Variants in MYT1L observed in about 807,000 individuals in gnomAD.
MYT1L encodes myelin transcription factor 1 like.
MYT1L carries 12 observed loss-of-function variants against 126.7 expected under a neutral mutation model. That is an observed-to-expected ratio of 0.09 (90% CI 0.06 to 0.15). The LOEUF (loss-of-function observed/expected upper bound fraction) is 0.15. Ranked by LOEUF, MYT1L falls within the 10% of genes least tolerant of loss-of-function variation. MYT1L has a pLI of 1.00. For synonymous variants in MYT1L, 541 were observed against 604.2 expected (o/e 0.90, Z 1.53); for missense variants, 979 against 1,585.2 (o/e 0.62, Z 6.49).
At chr2:2,294,408 A>G (rs1435806222) in intron 1 of MYT1L, among the ~76,000 whole-genome samples, 3 of 152,180 alleles carry the variant, frequency 2.0e-5, no homozygotes, top group African/African-American at 7.2e-5. Context: ...GACTGAGATC[A>G]GATGAATTTT....
At chr2:1,831,128 C>T (rs1238546141) in intron 21 of MYT1L, among the ~76,000 whole-genome samples, 1 of 148,730 alleles carries the variant, frequency 6.7e-6, no homozygotes, top group Non-Finnish European at 1.5e-5. Context: ...TGCAACCCCA[C>T]TCGGGTGCCC....
chr2:1,832,081 T>C (rs561888985), intron 21 of MYT1L, among the ~76,000 whole-genome samples: 1 of 152,308 alleles, frequency 6.6e-6, no homozygotes, highest in East Asian at 1.9e-4. Flanking sequence ...TCGAGGTTCC[T>C]GTGTTGAAGC....
intron 1 of MYT1L, among the ~76,000 whole-genome samples, chr2:2,299,438 A>G (rs2095750532): frequency 6.6e-6 from 1 of 152,172 alleles, no homozygotes; most frequent in Admixed American, 6.5e-5. Context: ...GCAGGAGGCC[A>G]TGCTTGTGAT....
At chr2:2,060,792 T>C (rs2070338527) in intron 3 of MYT1L, among the ~76,000 whole-genome samples, 1 of 145,206 alleles carries the variant, frequency 6.9e-6, no homozygotes, top group African/African-American at 2.5e-5. Context: ...TTCCTTTCCT[T>C]TCCTTTCCTT....
chr2:1,837,789 T>C lies in MYT1L; in HGVS notation c.3080+1360A>G, dbSNP rs901748431. Among the ~76,000 whole-genome samples, 5 of 151,912 alleles carry C rather than the reference T, an allele frequency of 3.3e-5. No homozygotes were observed. Among genetic ancestry groups the C allele is most frequent in the Non-Finnish European group, 7.4e-5 (5 of 67,984 alleles). On this transcript the variant is annotated intron_variant, in intron 21 of 24. Transcript: ENST00000647738. The stretch of plus-strand genomic sequence containing the variant: ...GGGTTCTGGGAGACACTGAGATCCA[T>C]GTGTATAAATAGGGGTGCTTTTCAG...
chr2:1,923,984 G>A (rs2053900814), intron 9 of MYT1L, among the ~76,000 whole-genome samples: 5 of 152,202 alleles, frequency 3.3e-5, no homozygotes, highest in Admixed American at 3.3e-4. Flanking sequence ...GTGAGAGAGA[G>A]AGAAAGCGTG....
At chr2:1,936,773 G>C (rs2055945144) in intron 9 of MYT1L, among the ~76,000 whole-genome samples, 1 of 152,146 alleles carries the variant, frequency 6.6e-6, no homozygotes, top group Non-Finnish European at 1.5e-5. Flanking sequence ...GTGTCCTGCA[G>C]GGAAGCTGGG....
chr2:2,152,630 G>A (rs2085997785), intron 3 of MYT1L, among the ~76,000 whole-genome samples: 1 of 152,154 alleles, frequency 6.6e-6, no homozygotes, highest in African/African-American at 2.4e-5. Flanking sequence ...GGCAATCAGA[G>A]GCGTCCCGAG....
chr2:1,892,316 G>T (rs547997792), intron 14 of MYT1L, 29 bp from the exon 15 acceptor site: 1 of 1,541,640 alleles, frequency 6.5e-7, no homozygotes, highest in African/African-American at 1.4e-5. Flanking sequence ...GGATGACTCA[G>T]GCCCCGGCCG....
intron 4 of MYT1L, among the ~76,000 whole-genome samples, chr2:2,029,236 C>T (rs553519541): frequency 1.3e-5 from 2 of 152,276 alleles, no homozygotes; most frequent in South Asian, 4.1e-4. Flanking sequence ...CATGTCCATA[C>T]ACATGTGTAT....
At chr2:2,126,934 G>A (rs2081778843) in intron 3 of MYT1L, among the ~76,000 whole-genome samples, 1 of 152,180 alleles carries the variant, frequency 6.6e-6, no homozygotes, top group Non-Finnish European at 1.5e-5. Context: ...ATGTGTCCAT[G>A]TATTTTAGCC....
chr2:1,876,283 G>A (rs916375658), intron 18 of MYT1L, among the ~76,000 whole-genome samples: 1 of 152,146 alleles, frequency 6.6e-6, no homozygotes, highest in African/African-American at 2.4e-5. Flanking sequence ...CTGAGCCCCA[G>A]AGTCTGGGAG....
intron 9 of MYT1L, among the ~76,000 whole-genome samples, chr2:1,930,961 C>T (rs1399591942): frequency 1.3e-5 from 2 of 152,224 alleles, no homozygotes; most frequent in Admixed American, 6.5e-5. Flanking sequence ...ACTGCATACA[C>T]TGACTAGAGG....
At position 1,903,250 on chromosome 2, in the gene MYT1L, T is replaced by C. The variant is rs765731360; in HGVS notation, c.1862A>G (p.Tyr621Cys). ...CGTAGTTGTGGGGACATTGTTTCTGTAGCCATACTGAGGAATCTCCAGCTG... is the reference window on the plus strand; with the variant it reads ...CGTAGTTGTGGGGACATTGTTTCTGCAGCCATACTGAGGAATCTCCAGCTG... ...VKQLEIPQYG[Y>C]RNNVPTTTPR... Residue 621 changes from tyrosine (Y) to cysteine (C), a missense_variant, in exon 14 of 25, where the codon TAC becomes TGC. Tyr to Cys is a radical substitution (Grantham distance 194). Coordinates refer to ENST00000647738, the MANE Select transcript of MYT1L (RefSeq NM_001303052.2). The C allele has an allele frequency of 2.5e-6, 4 of 1,613,920 alleles. No homozygotes were observed. The highest frequency in any genetic ancestry group is 3.4e-6 in the Non-Finnish European group (4 of 1,179,834).
At chr2:2,006,108 T>C (rs1013582305) in intron 4 of MYT1L, among the ~76,000 whole-genome samples, 1 of 152,248 alleles carries the variant, frequency 6.6e-6, no homozygotes, top group Non-Finnish European at 1.5e-5. Context: ...GCATGAGTTC[T>C]TTCCTCCATG....
chr2:1,943,124 G>T lies in MYT1L; in HGVS notation c.363C>A (p.Asp121Glu). 1 of 1,493,112 alleles carries T rather than the reference G, an allele frequency of 6.7e-7. No homozygotes were observed. Among genetic ancestry groups the T allele is most frequent in the East Asian group, 2.5e-5 (1 of 40,378 alleles). The allele number at this position is 1,493,112 out of a possible 1,614,324, so 92.5% of individuals were successfully genotyped here. A position where few individuals can be genotyped will look rare whatever the true frequency, so the allele number is the denominator to read the frequency against. ...SEDNDEPGDE[D>E]EEDEEGDREE... ...CCCGGTCCCCCTCCTCGTCCTCCTCGTCCTCATCCCCTGGCTCATCATTGT... is the reference window on the plus strand; with the variant it reads ...CCCGGTCCCCCTCCTCGTCCTCCTCTTCCTCATCCCCTGGCTCATCATTGT... The change falls in exon 9 of 25, where the codon GAC (aspartate) becomes GAA (glutamate). Residue 121 changes from aspartate to glutamate, a missense_variant. By Grantham distance (45) the Asp-to-Glu change is conservative. Coordinates refer to ENST00000647738, the MANE Select transcript of MYT1L (RefSeq NM_001303052.2). This position sits in a 1 kb window ranked among gnomAD's most constrained non-coding sequence, Gnocchi z 4.4.
intron 2 of MYT1L, among the ~76,000 whole-genome samples, chr2:2,275,210 G>A (rs927268946): frequency 7.2e-6 from 1 of 138,666 alleles, no homozygotes; most frequent in Admixed American, 7.1e-5. Context: ...AAATGTGTGT[G>A]TGTGTGTGTG....
chr2:2,200,363 T>C (rs2093010593), intron 2 of MYT1L, among the ~76,000 whole-genome samples: 1 of 152,166 alleles, frequency 6.6e-6, no homozygotes. Context: ...GCCTTCCTTG[T>C]GGAGGCTCCA....
intron 2 of MYT1L, among the ~76,000 whole-genome samples, chr2:2,210,254 G>A (rs1457660048): frequency 6.6e-6 from 1 of 152,082 alleles, no homozygotes; most frequent in Non-Finnish European, 1.5e-5. Flanking sequence ...AACTTGATAT[G>A]ATCCCATTTG....
Sources: allele counts gnomAD v4.1 joint callset (sites outside exome capture counted in the v4.1 genomes callset), GRCh38; gene constraint gnomAD v4.1.1; non-coding constraint Gnocchi (gnomAD v3.1); transcripts MANE v1.5; gene names NCBI Gene and HGNC (gene_info 2026-07-23, HGNC 2026-07-21).